The following MLLT10 variants were observed in gnomAD, a reference collection of about 807,000 sequenced individuals.
MLLT10 encodes protein AF-10.
In MLLT10, 30 loss-of-function variants were observed where a neutral mutation model predicts 129.1. The observed-to-expected ratio is 0.23, with a 90% confidence interval of 0.17 to 0.32. MLLT10 has a LOEUF of 0.32. Ranked by LOEUF, MLLT10 falls within the 10% of genes least tolerant of loss-of-function variation. MLLT10 has a pLI of 1.00. For missense variants in MLLT10, 1,119 were observed against 1,268.3 expected, an observed-to-expected ratio of 0.88 and a Z score of 1.79; for synonymous variants, 490 against 446.4, an observed-to-expected ratio of 1.10 and a Z score of -1.23.
chr10:21,735,507 G>A (rs1319895033), intron 21 of MLLT10, among the ~76,000 whole-genome samples: 1 of 152,176 alleles, frequency 6.6e-6, no homozygotes, highest in Non-Finnish European at 1.5e-5. Context: ...GCTTCATTTT[G>A]ATACGGGAGA....
intron 5 of MLLT10, among the ~76,000 whole-genome samples, chr10:21,599,158 A>G (rs1053800633): frequency 1.3e-4 from 19 of 149,470 alleles, no homozygotes; most frequent in Admixed American, 1.2e-3. Flanking sequence ...AGCCTGGGTG[A>G]CAGAGTGAGA....
At chr10:21,571,242 A>AG (rs2040168308) in intron 3 of MLLT10, among the ~76,000 whole-genome samples, 2 of 152,200 alleles carry the variant, frequency 1.3e-5, no homozygotes, top group African/African-American at 4.8e-5. Context: ...GCCATTGGAT[A>AG]GCTCCTTTAC....
chr10:21,634,419 C>G (rs2047274783), intron 8 of MLLT10, among the ~76,000 whole-genome samples: 1 of 152,130 alleles, frequency 6.6e-6, no homozygotes, highest in African/African-American at 2.4e-5. Context: ...TGCATTGTAT[C>G]AAGGGACATA....
At chr10:21,669,207 A>G (rs1197674942) in intron 9 of MLLT10, among the ~76,000 whole-genome samples, 2 of 151,870 alleles carry the variant, frequency 1.3e-5, no homozygotes, top group Non-Finnish European at 2.9e-5. Flanking sequence ...TATTTCTTCT[A>G]TTTAATGATG....
Position 21,742,236 on chromosome 10 carries a change from T to G in MLLT10, c.*253T>G, listed in dbSNP as rs1833769360. The G allele has an allele frequency of 5.1e-6, 2 of 395,738 alleles. No homozygotes were observed. Among genetic ancestry groups the G allele is most frequent in the African/African-American group, 4.1e-5 (2 of 48,784 alleles). 24.5% of individuals were successfully genotyped at this position (395,738 alleles called of 1,614,324 possible). ...AACATGGAAAGAAAATTTAATAACT[T>G]TTTAAAGTGACATAATTTACATGCA... On this transcript the variant is annotated 3_prime_UTR_variant, in exon 23 of 23. Transcript: ENST00000307729.
At chr10:21,673,036 C>T (rs936281070) in intron 10 of MLLT10, among the ~76,000 whole-genome samples, 3 of 152,028 alleles carry the variant, frequency 2.0e-5, no homozygotes, top group South Asian at 4.2e-4. Context: ...GGGAGAATTG[C>T]GGAATGTTGC....
chr10:21,538,455 G>C (rs1354848169), intron 2 of MLLT10, among the ~76,000 whole-genome samples: 1 of 151,790 alleles, frequency 6.6e-6, no homozygotes, highest in South Asian at 2.1e-4. Context: ...GAGCCACTGC[G>C]CCTGGCCTAA....
intron 20 of MLLT10, among the ~76,000 whole-genome samples, chr10:21,734,517 G>A (rs1297763684): frequency 6.6e-6 from 1 of 152,116 alleles, no homozygotes; most frequent in Non-Finnish European, 1.5e-5. Flanking sequence ...TTTTGATATA[G>A]GATAAAGGTC....
At chr10:21,574,519 A>G (rs1016574192) in intron 3 of MLLT10, among the ~76,000 whole-genome samples, 1 of 152,216 alleles carries the variant, frequency 6.6e-6, no homozygotes, top group African/African-American at 2.4e-5. Flanking sequence ...GTAACTTATT[A>G]AGAAAGTAAA....
At chr10:21,695,768 G>A (rs1189779672) in intron 13 of MLLT10, among the ~76,000 whole-genome samples, 1 of 152,030 alleles carries the variant, frequency 6.6e-6, no homozygotes, top group African/African-American at 2.4e-5. Context: ...TCACCACCCT[G>A]TCCCTTCTTA....
At position 21,681,691 on chromosome 10, in the gene MLLT10, TATA is replaced by T. The variant is rs752490656; in HGVS notation, c.1666+318_1666+320del. Among the ~76,000 whole-genome samples, 24 of 152,210 alleles carry T rather than the reference TATA, an allele frequency of 1.6e-4. 1 individual carries two copies. The highest frequency in any genetic ancestry group is 8.8e-5 in the Non-Finnish European group (6 of 68,030). On this transcript the variant is annotated intron_variant, in intron 12 of 22. Coordinates refer to ENST00000307729, the MANE Select transcript of MLLT10 (RefSeq NM_001195626.3). ...TTAACATTTTGTTTTCTATTCTTAA[TATA>T]ATTTTTCAATATTTGTATATTTGCA... is the stretch of plus-strand genomic sequence containing the variant.
chr10:21,707,051 G>T (rs1029724595), intron 13 of MLLT10, among the ~76,000 whole-genome samples: 1 of 151,980 alleles, frequency 6.6e-6, no homozygotes, highest in Non-Finnish European at 1.5e-5. Flanking sequence ...TCCCAGGCTG[G>T]CGTTTAAGAA....
intron 16 of MLLT10, 22 bp downstream of exon 16, chr10:21,727,950 A>T: frequency 6.2e-7 from 1 of 1,606,816 alleles, no homozygotes; most frequent in Non-Finnish European, 8.5e-7. Flanking sequence ...TTACACTGCA[A>T]AGTATAGGCA....
intron 3 of MLLT10, among the ~76,000 whole-genome samples, chr10:21,559,766 C>T (rs2038565388): frequency 6.6e-6 from 1 of 152,192 alleles, no homozygotes; most frequent in African/African-American, 2.4e-5. Flanking sequence ...TATGTTGTAG[C>T]ATGTACCAGA....
chr10:21,656,012 T>A (rs2049549493), intron 9 of MLLT10, among the ~76,000 whole-genome samples: 1 of 152,128 alleles, frequency 6.6e-6, no homozygotes, highest in Admixed American at 6.5e-5. Context: ...AGTCTTTTGA[T>A]GACTGACATA....
chr10:21,678,216 T>C (rs1038719869), intron 11 of MLLT10, among the ~76,000 whole-genome samples: 2 of 152,164 alleles, frequency 1.3e-5, no homozygotes, highest in Non-Finnish European at 2.9e-5. Flanking sequence ...GCAGTTCCCC[T>C]GCCTCAGCCT....
At chr10:21,595,174 T>G (rs1184944220) in intron 4 of MLLT10, among the ~76,000 whole-genome samples, 157 bp from the exon 5 acceptor site, 1 of 152,206 alleles carries the variant, frequency 6.6e-6, no homozygotes. Context: ...GGTTTGAGTA[T>G]TCTCAAGCAA....
intron 8 of MLLT10, among the ~76,000 whole-genome samples, chr10:21,639,721 C>T (rs772860524): frequency 2.6e-4 from 39 of 152,088 alleles, no homozygotes; most frequent in Middle Eastern, 3.2e-3. Flanking sequence ...TATGTTCACA[C>T]GCTTCTTGGC....
At chr10:21,610,647 C>T (rs1360897969) in intron 5 of MLLT10, among the ~76,000 whole-genome samples, 1 of 149,174 alleles carries the variant, frequency 6.7e-6, no homozygotes, top group Non-Finnish European at 1.5e-5. Context: ...TAAAAATTAT[C>T]ATATTTTTAA....
Sources: allele counts gnomAD v4.1 joint callset (sites outside exome capture counted in the v4.1 genomes callset), GRCh38; gene constraint gnomAD v4.1.1; transcripts MANE v1.5; gene names NCBI Gene and HGNC (gene_info 2026-07-23, HGNC 2026-07-21).